Variants in MAP4K3 observed in about 807,000 individuals in gnomAD.
MAP4K3 encodes MAPK/ERK kinase kinase kinase 3.
Under a neutral mutation model 143.5 loss-of-function variants are expected in MAP4K3, and 94 were observed. That is an observed-to-expected ratio of 0.65 (90% confidence interval 0.55 to 0.78). The LOEUF (loss-of-function observed/expected upper bound fraction) is 0.78, where lower values mean the gene tolerates loss of function less well. Ranked by LOEUF, MAP4K3 falls within the 30% of genes least tolerant of loss-of-function variation. The probability of loss-of-function intolerance (pLI) is 0.00; values close to 1 mark genes in which losing one functional copy is unlikely to be tolerated. For synonymous variants in MAP4K3, 416 were observed against 347.2 expected (o/e 1.20, Z -2.20); for missense variants, 1,077 against 1,068.1 (o/e 1.01, Z -0.12).
At chr2:39,380,536 A>G (rs1208806112) in intron 1 of MAP4K3, among the ~76,000 whole-genome samples, 1 of 152,172 alleles carries the variant, frequency 6.6e-6, no homozygotes, top group Non-Finnish European at 1.5e-5. Context: ...TAGCACGTAT[A>G]AAGTTAAAAA....
chr2:39,377,405 G>A (rs571228734), intron 2 of MAP4K3, among the ~76,000 whole-genome samples: 9 of 152,176 alleles, frequency 5.9e-5, no homozygotes, highest in East Asian at 5.8e-4. Context: ...TGGTGGGAAG[G>A]AGAAAGAGTG....
intron 19 of MAP4K3, among the ~76,000 whole-genome samples, chr2:39,288,849 G>C (rs1368151672): frequency 2.0e-5 from 3 of 152,122 alleles, no homozygotes; most frequent in Non-Finnish European, 2.9e-5. Flanking sequence ...TCAGGAGATC[G>C]AGATCATCCT....
Position 39,258,367 on chromosome 2 carries a change from A to G in MAP4K3, c.2451T>C (p.Asp817=). 2 of 1,605,102 alleles carry G rather than the reference A, an allele frequency of 1.2e-6. No homozygotes were observed. The highest frequency in any genetic ancestry group is 8.5e-7 in the Non-Finnish European group (1 of 1,174,936). ...ACTTACCTATTGATTCAATCTGGAA[A>G]TCAAAGGTGAGTTCTGATGACAATT... ...SRKLSSELTF[D]FQIESIVCLQ... Residue 817 remains aspartate, a synonymous_variant, in exon 31 of 34, where the codon GAT becomes GAC. Coordinates refer to ENST00000263881, the MANE Select transcript of MAP4K3 (RefSeq NM_003618.4).
chr2:39,361,276 C>T (rs1665762932), intron 2 of MAP4K3, among the ~76,000 whole-genome samples: 1 of 151,960 alleles, frequency 6.6e-6, no homozygotes, highest in African/African-American at 2.4e-5. Context: ...TACATTATAG[C>T]AACTACCCAT....
At chr2:39,327,843 C>G (rs1423510069) in intron 8 of MAP4K3, among the ~76,000 whole-genome samples, 1 of 151,614 alleles carries the variant, frequency 6.6e-6, no homozygotes, top group African/African-American at 2.4e-5. Flanking sequence ...CTTGCCTCCC[C>G]TTACTAGTTC....
chr2:39,279,779 C>T (rs1294048495), intron 23 of MAP4K3, among the ~76,000 whole-genome samples: 1 of 152,012 alleles, frequency 6.6e-6, no homozygotes, highest in African/African-American at 2.4e-5. Context: ...CAGCTCCCAT[C>T]TCTACAAAAA....
intron 1 of MAP4K3, among the ~76,000 whole-genome samples, chr2:39,405,035 A>G (rs1462886259): frequency 1.3e-5 from 2 of 152,226 alleles, no homozygotes; most frequent in African/African-American, 4.8e-5. Context: ...GGTTGGCTTC[A>G]CCATCTGCTG....
At chr2:39,365,303 CATT>C (rs1220507502) in intron 2 of MAP4K3, among the ~76,000 whole-genome samples, 1 of 152,022 alleles carries the variant, frequency 6.6e-6, no homozygotes, top group Non-Finnish European at 1.5e-5. Flanking sequence ...GTCGGAGTCT[CATT>C]ATGATGGTAA....
intron 2 of MAP4K3, among the ~76,000 whole-genome samples, chr2:39,366,022 T>G (rs1406978185): frequency 6.6e-6 from 1 of 152,180 alleles, no homozygotes; most frequent in Non-Finnish European, 1.5e-5. Context: ...ATAAATGAAA[T>G]TAACAGTACT....
Position 39,409,378 on chromosome 2 carries a change from C to T in MAP4K3, c.96+27514G>A, listed in dbSNP as rs189645495. On this transcript the variant is annotated intron_variant, in intron 1 of 33. Coordinates refer to ENST00000263881, the MANE Select transcript of MAP4K3 (RefSeq NM_003618.4). ...TTTTCCACTACATGGGGGGCTGGCT[C>T]CCCTAACCTCTCTGTTGTTCAAGGA... is the stretch of plus-strand genomic sequence containing the variant. Among the ~76,000 whole-genome samples, 32 of 152,264 alleles carry T rather than the reference C, an allele frequency of 2.1e-4. 1 individual carries two copies. In the East Asian group the frequency reaches 3.5e-3, roughly 17 times the overall value.
In MAP4K3 at chr2:39,350,566, G is replaced by C. The variant is rs963846397; in HGVS notation, c.245+5683C>G. Among the ~76,000 whole-genome samples the C allele has an allele frequency of 2.0e-5, 3 of 152,124 alleles. No homozygotes were observed. The South Asian group carries it at 6.2e-4, about 31-fold the overall frequency. On this transcript the variant is annotated intron_variant, in intron 3 of 33. Coordinates refer to ENST00000263881, the MANE Select transcript of MAP4K3 (RefSeq NM_003618.4). The stretch of plus-strand genomic sequence containing the variant: ...AAAGATATTCATAAATGTATTTCGA[G>C]TTAAGATCCAGTTGTTTCCCTTCTT...
At chr2:39,391,923 C>T (rs541904064) in intron 1 of MAP4K3, among the ~76,000 whole-genome samples, 20 of 152,208 alleles carry the variant, frequency 1.3e-4, no homozygotes, top group East Asian at 1.9e-4. Flanking sequence ...TGGCTCACAT[C>T]TGTAATCCTA....
At chr2:39,327,181 C>T (rs1010693326) in intron 8 of MAP4K3, among the ~76,000 whole-genome samples, 3 of 152,118 alleles carry the variant, frequency 2.0e-5, no homozygotes, top group Non-Finnish European at 4.4e-5. Flanking sequence ...CAAAAAACTG[C>T]GACCAGGCAA....
Position 39,267,261 on chromosome 2 carries a change from A to G in MAP4K3, c.1974-14T>C. The G allele has an allele frequency of 1.2e-6, 2 of 1,604,276 alleles. No individual in the cohort carries two copies. The highest frequency in any genetic ancestry group is 1.7e-6 in the Non-Finnish European group (2 of 1,171,226). The stretch of plus-strand genomic sequence containing the variant: ...ACAGAAAATTTCCTAAATGTAAATA[A>G]AAGTGAGTACGTAATATATGTAGGC... On this transcript the variant is annotated splice_polypyrimidine_tract_variant and intron_variant, in intron 26 of 33. Coordinates refer to ENST00000263881, the MANE Select transcript of MAP4K3 (RefSeq NM_003618.4).
At chr2:39,394,919 T>C (rs1666763253) in intron 1 of MAP4K3, among the ~76,000 whole-genome samples, 1 of 152,144 alleles carries the variant, frequency 6.6e-6, no homozygotes, top group Non-Finnish European at 1.5e-5. Flanking sequence ...TCAGAAGGAA[T>C]TTGAATCCAT....
At chr2:39,297,364 C>A (rs1226690784) in intron 16 of MAP4K3, among the ~76,000 whole-genome samples, 1 of 152,048 alleles carries the variant, frequency 6.6e-6, no homozygotes, top group South Asian at 2.1e-4. Context: ...GTGATCTACT[C>A]GCCTCGGCCT....
chr2:39,421,677 C>T (rs1407197684), intron 1 of MAP4K3, among the ~76,000 whole-genome samples: 2 of 152,172 alleles, frequency 1.3e-5, no homozygotes, highest in African/African-American at 4.8e-5. Context: ...TAAATGGCAT[C>T]TGCTATGATT....
At chr2:39,414,171 A>G (rs900230695) in intron 1 of MAP4K3, among the ~76,000 whole-genome samples, 9 of 152,178 alleles carry the variant, frequency 5.9e-5, no homozygotes, top group African/African-American at 1.9e-4. Context: ...GAAAACAGAA[A>G]CACTCACCAA....
chr2:39,303,855 G>A (rs1341775841), intron 15 of MAP4K3, among the ~76,000 whole-genome samples: 1 of 152,142 alleles, frequency 6.6e-6, no homozygotes, highest in African/African-American at 2.4e-5. Flanking sequence ...CTTTTATACA[G>A]AATTAACTTT....
Sources: gnomAD v4.1 joint callset for allele counts (sites outside exome capture counted in the v4.1 genomes callset) on GRCh38, gnomAD v4.1.1 for gene constraint, MANE v1.5 for transcripts, NCBI Gene and HGNC (gene_info 2026-07-23, HGNC 2026-07-21) for gene names.